MICU1: variants seen among roughly 807,000 people sequenced by gnomAD.
The protein encoded by MICU1 is mitochondrial calcium uptake 1.
In MICU1, 45 loss-of-function variants were observed where a neutral mutation model predicts 56.8. The ratio of observed to expected loss-of-function variants is 0.79; its 90% CI spans 0.62 to 1.02. MICU1 has a LOEUF of 1.02. Among genes scored for constraint, MICU1 ranks in the 50% least tolerant of loss-of-function variants. The pLI, the probability that MICU1 is intolerant of heterozygous loss-of-function variation, is 0.00. For missense variants in MICU1, 504 were observed against 587.1 expected, an observed-to-expected ratio of 0.86 and a Z score of 1.46; for synonymous variants, 186 against 195.1, an observed-to-expected ratio of 0.95 and a Z score of 0.39.
At chr10:72,567,644 G>A (rs1840474451) in intron 1 of MICU1, among the ~76,000 whole-genome samples, 1 of 152,188 alleles carries the variant, frequency 6.6e-6, no homozygotes, top group Non-Finnish European at 1.5e-5. Context: ...TTGGGAAGCT[G>A]ACCTTCGCGA....
intron 5 of MICU1, among the ~76,000 whole-genome samples, chr10:72,511,540 G>C (rs954712173): frequency 2.0e-5 from 3 of 152,128 alleles, no homozygotes; most frequent in South Asian, 2.1e-4. Context: ...GTTAGTAATC[G>C]TATGTGCCCC....
intron 6 of MICU1, among the ~76,000 whole-genome samples, chr10:72,502,680 C>T (rs937755765): frequency 3.9e-5 from 6 of 152,154 alleles, no homozygotes; most frequent in Admixed American, 1.3e-4. Flanking sequence ...ACTTGGGAAC[C>T]ATTTAGTGTA....
Position 72,435,660 on chromosome 10 carries a change from C to T in MICU1, c.934-12289G>A, listed in dbSNP as rs1480305023. Reference sequence around the variant, plus strand: ...AGCCAAGGGAAGCCGTGACAGACTGCCTGGAAAAACGGGACACTCCTGCCC... The same window carrying T: ...AGCCAAGGGAAGCCGTGACAGACTGTCTGGAAAAACGGGACACTCCTGCCC... On this transcript the variant is annotated intron_variant, in intron 8 of 11. Coordinates refer to ENST00000361114, the MANE Select transcript of MICU1 (RefSeq NM_001195518.2). Among the ~76,000 whole-genome samples the T allele has an allele frequency of 3.3e-5, 5 of 152,174 alleles. No homozygotes were observed. In the East Asian group the frequency reaches 7.7e-4, roughly 23 times the overall value.
intron 4 of MICU1, among the ~76,000 whole-genome samples, chr10:72,542,160 T>C (rs929102422): frequency 6.6e-6 from 1 of 152,188 alleles, no homozygotes; most frequent in Non-Finnish European, 1.5e-5. Flanking sequence ...CTAATAAGAA[T>C]GGGAGTGAAA....
At chr10:72,423,169 T>G in intron 9 of MICU1, 65 bp downstream of exon 9, 6 of 1,546,742 alleles carry the variant, frequency 3.9e-6, no homozygotes, top group Non-Finnish European at 4.4e-6. Context: ...TGTTAATACC[T>G]TCATATTAAA....
chr10:72,516,876 AAAG>A (rs1161853080), intron 5 of MICU1, among the ~76,000 whole-genome samples: 2 of 152,176 alleles, frequency 1.3e-5, no homozygotes, highest in Non-Finnish European at 2.9e-5. Context: ...TTGGGGTGGT[AAAG>A]AAGTAGAGAG....
At chr10:72,543,942 C>A (rs1310460042) in intron 4 of MICU1, among the ~76,000 whole-genome samples, 6 of 151,904 alleles carry the variant, frequency 3.9e-5, no homozygotes, top group Non-Finnish European at 5.9e-5. Flanking sequence ...TGCCTAATTT[C>A]TGCCTCCAAA....
intron 5 of MICU1, chr10:72,533,243 TTA>T (rs1839540195): frequency 1.3e-5 from 10 of 749,556 alleles, no homozygotes; most frequent in Non-Finnish European, 1.7e-5. Flanking sequence ...GAATAATTTG[TTA>T]TATTATTTAT....
At chr10:72,456,579 T>A (rs1865464211) in intron 8 of MICU1, among the ~76,000 whole-genome samples, 1 of 152,206 alleles carries the variant, frequency 6.6e-6, no homozygotes. Context: ...TAAAATCTCA[T>A]GAGAGACAGC....
At chr10:72,490,240 T>G (rs1406333275) in intron 6 of MICU1, among the ~76,000 whole-genome samples, 1 of 152,230 alleles carries the variant, frequency 6.6e-6, no homozygotes, top group Non-Finnish European at 1.5e-5. Flanking sequence ...TGTATGTATA[T>G]GTATGTATGC....
At chr10:72,484,856 T>C (rs1364964929) in intron 6 of MICU1, among the ~76,000 whole-genome samples, 3 of 152,202 alleles carry the variant, frequency 2.0e-5, no homozygotes, top group Non-Finnish European at 4.4e-5. Context: ...AATTGTATAA[T>C]CCACATAACC....
intron 6 of MICU1, among the ~76,000 whole-genome samples, chr10:72,493,327 C>T (rs1235173277): frequency 6.6e-6 from 1 of 152,128 alleles, no homozygotes; most frequent in Non-Finnish European, 1.5e-5. Flanking sequence ...GCATTACATA[C>T]ATTATATTAA....
At position 72,563,062 on chromosome 10, in the gene MICU1, CCCTGG is replaced by C; in HGVS notation, c.162-4_162del. On this transcript the variant is annotated splice_acceptor_variant and splice_polypyrimidine_tract_variant and coding_sequence_variant and intron_variant, in exon 3 of 12. Transcript: ENST00000361114. LOFTEE classifies it high-confidence loss of function. ...ACACATGGTGGAGATTCTGCATGGG[CCCTGG>C]ATATGCAAAAAAGAAATCTAGATTA... 1 of 1,532,208 alleles carries C rather than the reference CCCTGG, an allele frequency of 6.5e-7. No homozygotes were observed. Among genetic ancestry groups the C allele is most frequent in the Non-Finnish European group, 8.7e-7 (1 of 1,143,532 alleles). 94.9% of individuals were successfully genotyped at this position (1,532,208 alleles called of 1,614,324 possible).
At chr10:72,591,709 A>T (rs7914437) in intron 1 of MICU1, among the ~76,000 whole-genome samples, 89,163 of 151,796 alleles carry the variant, frequency 0.59, 27,484 homozygotes, top group Non-Finnish European at 0.68. Context: ...TAATTAGTAG[A>T]TTAAATCAGT....
At chr10:72,492,303 G>A (rs1023939391) in intron 6 of MICU1, among the ~76,000 whole-genome samples, 5 of 152,094 alleles carry the variant, frequency 3.3e-5, no homozygotes, top group East Asian at 1.9e-4. Flanking sequence ...GGGAAAAAGC[G>A]GTAACCAATC....
Position 72,518,213 on chromosome 10 carries a change from T to C in MICU1, c.538-9944A>G, listed in dbSNP as rs543390001. Among the ~76,000 whole-genome samples, 184 of 152,074 alleles carry C rather than the reference T, an allele frequency of 1.2e-3. 1 individual carries two copies. The highest frequency in any genetic ancestry group is 3.4e-3 in the Middle Eastern group (1 of 294). On this transcript the variant is annotated intron_variant, in intron 5 of 11. Transcript: ENST00000361114. ...ACACCCAGCTAATTTTTGTATTTTT[T>C]TGTAGAGACAGGGTTTCACCATGTT...
At chr10:72,524,519 T>G (rs899356450) in intron 5 of MICU1, among the ~76,000 whole-genome samples, 1 of 152,246 alleles carries the variant, frequency 6.6e-6, no homozygotes, top group African/African-American at 2.4e-5. Flanking sequence ...AACTTCCTTT[T>G]AAATCATGCT....
intron 9 of MICU1, among the ~76,000 whole-genome samples, chr10:72,419,533 A>T (rs954416136): frequency 6.6e-6 from 1 of 152,206 alleles, no homozygotes; most frequent in African/African-American, 2.4e-5. Context: ...TTCAATATCC[A>T]AGACAAGGAG....
rs542743484 is a variant in MICU1 at position 72,580,756 on chromosome 10, C to T, written c.-1-13962G>A. Among the ~76,000 whole-genome samples, 12 of 152,266 alleles carry T rather than the reference C, an allele frequency of 7.9e-5. 1 individual carries two copies. In the South Asian group the frequency reaches 2.3e-3, roughly 29 times the overall value. On this transcript the variant is annotated intron_variant, in intron 1 of 11. Transcript: ENST00000361114. ...CCTCCCAAAGTGCTGGGATTACAGG[C>T]GTGAACCACTGTGCCCGGCCAAGCT... is the stretch of plus-strand genomic sequence containing the variant.
Sources: gnomAD v4.1 joint callset for allele counts (sites outside exome capture counted in the v4.1 genomes callset) on GRCh38, gnomAD v4.1.1 for gene constraint, MANE v1.5 for transcripts, NCBI Gene and HGNC (gene_info 2026-07-23, HGNC 2026-07-21) for gene names.